Variants in SLC71A1 observed in about 807,000 individuals in gnomAD.
The protein encoded by SLC71A1 is hippocampus abundant gene transcript 1.
the SLC71A1 span, among the ~76,000 whole-genome samples, chr1:100,042,790 A>G: frequency 6.6e-6 from 1 of 152,010 alleles, no homozygotes; most frequent in South Asian, 2.1e-4. Context: ...GTATTTTTTT[A>G]GTAGAGACCG....
At chr1:100,049,514 G>A in the SLC71A1 span, among the ~76,000 whole-genome samples, 1 of 152,180 alleles carries the variant, frequency 6.6e-6, no homozygotes, top group East Asian at 1.9e-4. Context: ...CCATGCACTG[G>A]TTGTACTGAA....
At chr1:100,051,064 G>A in the SLC71A1 span, among the ~76,000 whole-genome samples, 42 of 146,122 alleles carry the variant, frequency 2.9e-4, no homozygotes, top group Non-Finnish European at 3.5e-4. Flanking sequence ...CAGCCTGGGC[G>A]ACGGGAGTGA....
chr1:100,078,765 G>T, the SLC71A1 span: 1 of 403,594 alleles, frequency 2.5e-6, no homozygotes. Context: ...TATCTGTTCT[G>T]TTCATAGAAA....
At chr1:100,069,365 A>G in the SLC71A1 span, among the ~76,000 whole-genome samples, 11 of 152,232 alleles carry the variant, frequency 7.2e-5, no homozygotes, top group African/African-American at 2.7e-4. Context: ...TTATTTGTAA[A>G]ATGATTCTGA....
At chr1:100,051,248 G>T in the SLC71A1 span, among the ~76,000 whole-genome samples, 1 of 151,942 alleles carries the variant, frequency 6.6e-6, no homozygotes, top group Non-Finnish European at 1.5e-5. Context: ...AAAATTAGCT[G>T]TGCGTGGTGG....
the SLC71A1 span, among the ~76,000 whole-genome samples, chr1:100,041,654 T>C: frequency 6.6e-6 from 1 of 152,248 alleles, no homozygotes; most frequent in Non-Finnish European, 1.5e-5. Context: ...CCAGGGGCAG[T>C]GGCTCACGCC....
chr1:100,071,779 G>C, the SLC71A1 span, among the ~76,000 whole-genome samples: 2 of 152,142 alleles, frequency 1.3e-5, no homozygotes, highest in East Asian at 3.8e-4. Flanking sequence ...ATGAGTGGAG[G>C]GTGCTTTTGA....
chr1:100,081,486 C>T, the SLC71A1 span, among the ~76,000 whole-genome samples: 5 of 152,190 alleles, frequency 3.3e-5, no homozygotes, highest in Non-Finnish European at 5.9e-5. Flanking sequence ...ATTCTTTTAA[C>T]ATCAGCCTCC....
chr1:100,066,697 A>G, the SLC71A1 span, among the ~76,000 whole-genome samples: 4 of 152,256 alleles, frequency 2.6e-5, no homozygotes, highest in East Asian at 7.7e-4. Flanking sequence ...AAGAGTTAAA[A>G]AATTTAAATA....
chr1:100,078,137 G>A, the SLC71A1 span, among the ~76,000 whole-genome samples: 1 of 152,088 alleles, frequency 6.6e-6, no homozygotes, highest in Admixed American at 6.5e-5. Flanking sequence ...ATGATGTTTC[G>A]TCATCTATAT....
At chr1:100,043,384 T>A in the SLC71A1 span, among the ~76,000 whole-genome samples, 1 of 152,238 alleles carries the variant, frequency 6.6e-6, no homozygotes, top group South Asian at 2.1e-4. Flanking sequence ...ATAATATAGC[T>A]CTCAAAATTT....
At chr1:100,040,439 C>G in the SLC71A1 span, among the ~76,000 whole-genome samples, 1 of 152,082 alleles carries the variant, frequency 6.6e-6, no homozygotes, top group Non-Finnish European at 1.5e-5. Context: ...TACAATAGTT[C>G]AGACTACTAT....
chr1:100,051,717 G>GT, the SLC71A1 span, among the ~76,000 whole-genome samples: 1 of 152,118 alleles, frequency 6.6e-6, no homozygotes, highest in Non-Finnish European at 1.5e-5. Flanking sequence ...TAATCTGTCA[G>GT]TTTAACATAC....
At chr1:100,073,344 C>G in the SLC71A1 span, among the ~76,000 whole-genome samples, 4 of 152,180 alleles carry the variant, frequency 2.6e-5, no homozygotes, top group African/African-American at 9.7e-5. Context: ...CTATAACTCA[C>G]TTTCCTTTGC....
chr1:100,071,805 G>C, the SLC71A1 span, among the ~76,000 whole-genome samples: 1 of 152,092 alleles, frequency 6.6e-6, no homozygotes, highest in East Asian at 1.9e-4. Flanking sequence ...TTTTTCCTCT[G>C]TTTAGCAGAT....
the SLC71A1 span, among the ~76,000 whole-genome samples, chr1:100,059,605 A>G: frequency 6.6e-6 from 1 of 151,852 alleles, no homozygotes; most frequent in Non-Finnish European, 1.5e-5. Context: ...ACAGGTAATT[A>G]GCATATGGAA....
chr1:100,071,259 T>C, the SLC71A1 span, among the ~76,000 whole-genome samples: 1 of 113,300 alleles, frequency 8.8e-6, no homozygotes, highest in Non-Finnish European at 1.7e-5. Context: ...CAAGACCAGC[T>C]CAAGCAACTT....
At chr1:100,063,442 T>C in the SLC71A1 span, among the ~76,000 whole-genome samples, 1 of 151,982 alleles carries the variant, frequency 6.6e-6, no homozygotes, top group Non-Finnish European at 1.5e-5. Flanking sequence ...AGTTTGAGGC[T>C]GCAGCTATGA....
At chr1:100,040,223 A>G in the SLC71A1 span, among the ~76,000 whole-genome samples, 10 of 152,176 alleles carry the variant, frequency 6.6e-5, no homozygotes, top group African/African-American at 2.4e-4. Context: ...AAACACTTCT[A>G]TTTTGTACTA....
Sources: gnomAD v4.1 joint callset for allele counts (sites outside exome capture counted in the v4.1 genomes callset) on GRCh38, gnomAD v4.1.1 for gene constraint, MANE v1.5 for transcripts, NCBI Gene and HGNC (gene_info 2026-07-23, HGNC 2026-07-21) for gene names.